VPS13A: variants seen among roughly 807,000 people sequenced by gnomAD.
The protein encoded by VPS13A is vacuolar protein sorting 13 homolog A.
In VPS13A, 264 loss-of-function variants were observed where a neutral mutation model predicts 390.9. That is an observed-to-expected ratio of 0.68 (90% confidence interval 0.61 to 0.75). The LOEUF is 0.75. VPS13A is among the 30% of genes least tolerant of loss of function. The pLI is 0.00. For synonymous variants in VPS13A, 1,231 were observed against 1,227.1 expected, an observed-to-expected ratio of 1.00 and a Z score of -0.07; for missense variants, 3,409 against 3,733.9, an observed-to-expected ratio of 0.91 and a Z score of 2.27.
intron 50 of VPS13A, 32 bp downstream of exon 50, chr9:77,340,582 T>C (rs1830758110): frequency 1.2e-6 from 2 of 1,610,400 alleles, no homozygotes; most frequent in Admixed American, 1.7e-5. Context: ...ATATACCTCT[T>C]TGGATTCTAT....
chr9:77,371,204 G>T, intron 67 of VPS13A, 55 bp downstream of exon 67: 1 of 1,610,080 alleles, frequency 6.2e-7, no homozygotes, highest in South Asian at 1.1e-5. Flanking sequence ...ATGAGAAATG[G>T]AATTTATCTG....
intron 33 of VPS13A, among the ~76,000 whole-genome samples, chr9:77,297,153 G>A (rs957232324): frequency 6.6e-6 from 1 of 150,898 alleles, no homozygotes; most frequent in African/African-American, 2.4e-5. Flanking sequence ...CTTACTTTAG[G>A]TTCAATTTTG....
intron 35 of VPS13A, among the ~76,000 whole-genome samples, chr9:77,309,946 T>C (rs910153216): frequency 2.6e-5 from 4 of 152,162 alleles, no homozygotes; most frequent in African/African-American, 9.6e-5. Context: ...TGTTGTTTTT[T>C]ATTTATCATC....
At chr9:77,279,101 C>T (rs552103927) in intron 26 of VPS13A, among the ~76,000 whole-genome samples, 40 of 152,324 alleles carry the variant, frequency 2.6e-4, no homozygotes, top group Middle Eastern at 3.4e-3. Flanking sequence ...CTCGATAGAC[C>T]GTCTTCCTTA....
intron 31 of VPS13A, among the ~76,000 whole-genome samples, chr9:77,288,096 CA>C (rs1312804772): frequency 6.6e-6 from 1 of 152,094 alleles, no homozygotes; most frequent in Non-Finnish European, 1.5e-5. Context: ...TGTAGTTTTG[CA>C]GTTTCCAAAG....
At chr9:77,244,604 T>C (rs1340887578) in intron 19 of VPS13A, among the ~76,000 whole-genome samples, 2 of 152,174 alleles carry the variant, frequency 1.3e-5, no homozygotes, top group African/African-American at 4.8e-5. Context: ...TTACAGGATA[T>C]TGCTAAATGA....
At chr9:77,270,134 T>G (rs1266293129) in intron 23 of VPS13A, among the ~76,000 whole-genome samples, 1 of 152,236 alleles carries the variant, frequency 6.6e-6, no homozygotes, top group Non-Finnish European at 1.5e-5. Flanking sequence ...AGTGAGTTGT[T>G]GCTTAACAAG....
intron 68 of VPS13A, among the ~76,000 whole-genome samples, chr9:77,384,323 G>A (rs1017136080): frequency 2.4e-4 from 36 of 151,610 alleles, no homozygotes; most frequent in Admixed American, 1.4e-3. Flanking sequence ...AAATAGAATG[G>A]TAATTTTAAT....
intron 67 of VPS13A, among the ~76,000 whole-genome samples, chr9:77,376,466 A>T (rs954006082): frequency 6.6e-6 from 1 of 152,202 alleles, no homozygotes; most frequent in Non-Finnish European, 1.5e-5. Flanking sequence ...TGATTCGACT[A>T]TTAGAGTACT....
At position 77,318,487 on chromosome 9, in the gene VPS13A, A is replaced by T; in HGVS notation, c.5209A>T (p.Ile1737Phe). The change falls in exon 41 of 72, where the codon ATT becomes TTT. Residue 1737 changes from isoleucine (I) to phenylalanine (F), a missense_variant. By Grantham distance (21) the Ile-to-Phe change is conservative. Around this residue, in one of 5 missense-constraint regions of VPS13A, gnomAD observed 2,717 missense variants for 2,917.4 expected, o/e 0.93. Transcript: ENST00000360280. Reference protein sequence around the residue: ...DSIFIVLEAGIGHRTVPMLLA... With the variant: ...DSIFIVLEAGFGHRTVPMLLA... ...TATTTTTATAGTTCTTGAGGCTGGAATTGGTCATAGAACAGTACCTATGCT... is the reference window on the plus strand; with the variant it reads ...TATTTTTATAGTTCTTGAGGCTGGATTTGGTCATAGAACAGTACCTATGCT... The T allele has an allele frequency of 6.2e-7, 1 of 1,613,958 alleles. No homozygotes were observed. Among genetic ancestry groups the T allele is most frequent in the Non-Finnish European group, 8.5e-7 (1 of 1,179,914 alleles).
chr9:77,206,893 T>G (rs941399368), intron 5 of VPS13A, among the ~76,000 whole-genome samples: 2 of 152,058 alleles, frequency 1.3e-5, no homozygotes, highest in Admixed American at 1.3e-4. Context: ...AATGTTTTAC[T>G]TGTTGGCAAA....
At chr9:77,403,191 G>T (rs758460403) in intron 68 of VPS13A, 45 bp from the exon 69 acceptor site, 2 of 1,428,106 alleles carry the variant, frequency 1.4e-6, no homozygotes. Flanking sequence ...ATTACAGTAG[G>T]AAATACTATC....
chr9:77,378,708 T>G (rs1833249641), intron 67 of VPS13A, among the ~76,000 whole-genome samples: 1 of 151,946 alleles, frequency 6.6e-6, no homozygotes, highest in Non-Finnish European at 1.5e-5. Flanking sequence ...TCTGCTCTAA[T>G]TTTTATTATT....
chr9:77,259,582 G>A (rs926843667), intron 22 of VPS13A, among the ~76,000 whole-genome samples: 1 of 152,240 alleles, frequency 6.6e-6, no homozygotes, highest in Admixed American at 6.5e-5. Flanking sequence ...TCTCTCAAAG[G>A]AGACTGTCAA....
At chr9:77,348,795 C>T (rs944902488) in intron 52 of VPS13A, among the ~76,000 whole-genome samples, 1 of 152,118 alleles carries the variant, frequency 6.6e-6, no homozygotes, top group South Asian at 2.1e-4. Context: ...AGTCTGAGGA[C>T]TATGGTTAGT....
At chr9:77,379,174 G>A (rs1221471940) in intron 67 of VPS13A, among the ~76,000 whole-genome samples, 4 of 141,502 alleles carry the variant, frequency 2.8e-5, no homozygotes, top group Admixed American at 7.5e-5. Context: ...CCAGGTTCAA[G>A]AGATTCCCCT....
intron 44 of VPS13A, among the ~76,000 whole-genome samples, 164 bp from the exon 45 acceptor site, chr9:77,322,903 A>C (rs1157733528): frequency 6.6e-6 from 1 of 152,094 alleles, no homozygotes; most frequent in Non-Finnish European, 1.5e-5. Flanking sequence ...GTGGAAATAT[A>C]TGCTGGCTTC....
intron 54 of VPS13A, among the ~76,000 whole-genome samples, chr9:77,356,338 T>C (rs1316353090): frequency 6.6e-6 from 1 of 152,302 alleles, no homozygotes; most frequent in East Asian, 1.9e-4. Flanking sequence ...ACCCCACCAC[T>C]TTACATATTG....
chr9:77,281,869 T>G lies in VPS13A; in HGVS notation c.2907T>G (p.Ala969=). The G allele has an allele frequency of 6.2e-7, 1 of 1,601,072 alleles. No individual in the cohort carries two copies. Among genetic ancestry groups the G allele is most frequent in the Non-Finnish European group, 8.6e-7 (1 of 1,169,132 alleles). Residue 969 remains alanine, a splice_region_variant and synonymous_variant, in exon 28 of 72, where the codon GCT becomes GCG. Transcript: ENST00000360280. ...EDLLTLEYVK[A]EKNVPDLKST... ...AGATTTGTTTTCTCTTTGGATAGGC[T>G]GAAAAGAATGTACCCGACTTGAAAA...
Sources: allele counts gnomAD v4.1 joint callset (sites outside exome capture counted in the v4.1 genomes callset), GRCh38; gene constraint gnomAD v4.1.1; regional missense constraint gnomAD v4.1.1; transcripts MANE v1.5; gene names NCBI Gene and HGNC (gene_info 2026-07-23, HGNC 2026-07-21).